CDKAL1: variants seen among roughly 807,000 people sequenced by gnomAD.
CDKAL1 encodes the protein CDKAL1 threonylcarbamoyladenosine tRNA methylthiotransferase.
In CDKAL1, 32 loss-of-function variants were observed where a neutral mutation model predicts 68.2. The ratio of observed to expected loss-of-function variants is 0.47; its 90% CI spans 0.35 to 0.63. CDKAL1 has a LOEUF of 0.63. CDKAL1 is among the 30% of genes least tolerant of loss of function. The pLI, the probability that CDKAL1 is intolerant of heterozygous loss-of-function variation, is 0.00. For synonymous variants in CDKAL1, 234 were observed against 244.3 expected, an observed-to-expected ratio of 0.96 and a Z score of 0.39; for missense variants, 606 against 696.7, an observed-to-expected ratio of 0.87 and a Z score of 1.47.
chr6:21,110,714 T>G (rs1268812593), intron 13 of CDKAL1, among the ~76,000 whole-genome samples: 1 of 152,184 alleles, frequency 6.6e-6, no homozygotes, highest in Non-Finnish European at 1.5e-5. Context: ...ATCCCAGCAC[T>G]CTGGGAGTCT....
At chr6:21,212,135 GC>G (rs1779176915) in intron 15 of CDKAL1, among the ~76,000 whole-genome samples, 1 of 152,142 alleles carries the variant, frequency 6.6e-6, no homozygotes. Context: ...ATGAAAGCAG[GC>G]CCCGCCTGAC....
chr6:21,107,192 C>T (rs1456134474), intron 12 of CDKAL1, among the ~76,000 whole-genome samples: 1 of 152,116 alleles, frequency 6.6e-6, no homozygotes, highest in East Asian at 1.9e-4. Context: ...TGTGATCCGC[C>T]CACTTCGGCC....
intron 8 of CDKAL1, among the ~76,000 whole-genome samples, chr6:20,815,544 T>C (rs1777008410): frequency 1.3e-5 from 2 of 152,098 alleles, no homozygotes; most frequent in Non-Finnish European, 2.9e-5. Flanking sequence ...TGGTTATCTG[T>C]TTTTTGCCCT....
At chr6:20,770,632 C>G (rs1379586047) in intron 7 of CDKAL1, among the ~76,000 whole-genome samples, 1 of 152,184 alleles carries the variant, frequency 6.6e-6, no homozygotes, top group East Asian at 1.9e-4. Flanking sequence ...CTAAGAATCT[C>G]AAGCCCACAT....
intron 4 of CDKAL1, among the ~76,000 whole-genome samples, chr6:20,557,058 T>A (rs199886343): frequency 0.1 from 12,800 of 124,108 alleles, 864 homozygotes; most frequent in East Asian, 0.26. Flanking sequence ...AAAAAATAAA[T>A]AAATAAATAA....
intron 13 of CDKAL1, among the ~76,000 whole-genome samples, chr6:21,118,458 A>G (rs764030465): frequency 1.1e-4 from 16 of 152,224 alleles, no homozygotes; most frequent in Non-Finnish European, 2.2e-4. Context: ...CCAACCTCCA[A>G]CACAGATTCA....
At chr6:20,903,880 G>C (rs1024687836) in intron 9 of CDKAL1, among the ~76,000 whole-genome samples, 28 of 152,192 alleles carry the variant, frequency 1.8e-4, no homozygotes, top group African/African-American at 6.8e-4. Context: ...CAAATGCACT[G>C]ACAGAACCTG....
chr6:20,570,833 CA>C (rs962196384), intron 4 of CDKAL1, among the ~76,000 whole-genome samples: 166 of 151,436 alleles, frequency 1.1e-3, no homozygotes, highest in African/African-American at 3.6e-3. Flanking sequence ...TTGATCATTA[CA>C]AAAAAAAGGG....
intron 8 of CDKAL1, among the ~76,000 whole-genome samples, chr6:20,809,115 C>A (rs1383105589): frequency 6.6e-6 from 1 of 152,148 alleles, no homozygotes; most frequent in Non-Finnish European, 1.5e-5. Flanking sequence ...GAAAGCATAA[C>A]AAAATCTGTG....
chr6:20,639,068 G>A (rs890506730), intron 4 of CDKAL1, among the ~76,000 whole-genome samples: 3 of 152,236 alleles, frequency 2.0e-5, no homozygotes, highest in Non-Finnish European at 2.9e-5. Context: ...TCTTGTACCT[G>A]ATTTGACTAT....
At chr6:20,572,577 T>A (rs1231363175) in intron 4 of CDKAL1, among the ~76,000 whole-genome samples, 2 of 152,128 alleles carry the variant, frequency 1.3e-5, no homozygotes, top group East Asian at 3.8e-4. Flanking sequence ...AAATGCTGAG[T>A]GCTTTCTTAT....
rs1032819320 is a variant in CDKAL1 at position 20,756,897 on chromosome 6, T to C, written c.469-1698T>C. ...CTTCCTTCCTTCCTTCCTTCCTTCC[T>C]TCCTTCCTTCCTTCCTTCCTTCCTT... On this transcript the variant is annotated intron_variant, in intron 6 of 15. Coordinates refer to ENST00000274695, the MANE Select transcript of CDKAL1 (RefSeq NM_017774.3). The C allele has an allele frequency of 8.1e-4, 83 of 102,766 alleles. 3 individuals are homozygous for C. The highest frequency in any genetic ancestry group is 1.5e-3 in the African/African-American group (43 of 28,280). The allele number at this position is 102,766 out of a possible 1,614,324, so 6.4% of individuals were successfully genotyped here. A position where few individuals can be genotyped will look rare whatever the true frequency, so the allele number is the denominator to read the frequency against.
intron 4 of CDKAL1, among the ~76,000 whole-genome samples, chr6:20,561,746 T>G (rs1341166725): frequency 6.6e-6 from 1 of 152,204 alleles, no homozygotes; most frequent in Non-Finnish European, 1.5e-5. Context: ...TAAAAACAAG[T>G]ATATTTCTTG....
chr6:20,905,931 T>C (rs1379902639), intron 9 of CDKAL1, among the ~76,000 whole-genome samples: 1 of 152,186 alleles, frequency 6.6e-6, no homozygotes, highest in East Asian at 1.9e-4. Flanking sequence ...CCACCAGACT[T>C]ACCCTGTAAG....
intron 5 of CDKAL1, among the ~76,000 whole-genome samples, chr6:20,729,775 A>G (rs750134391): frequency 5.3e-5 from 8 of 152,110 alleles, no homozygotes; most frequent in Non-Finnish European, 7.3e-5. Flanking sequence ...GGTGCTAACT[A>G]TTTTACTACC....
At chr6:20,848,087 C>G (rs1013191734) in intron 9 of CDKAL1, among the ~76,000 whole-genome samples, 12 of 152,134 alleles carry the variant, frequency 7.9e-5, no homozygotes, top group African/African-American at 2.9e-4. Flanking sequence ...AAAGTTCATA[C>G]TCCTATGCAA....
At chr6:20,758,669 G>A (rs767109304) in intron 7 of CDKAL1, 26 bp downstream of exon 7, 2 of 1,572,174 alleles carry the variant, frequency 1.3e-6, no homozygotes, top group Non-Finnish European at 1.7e-6. Flanking sequence ...GAGATAAACA[G>A]ATGTATATAT....
At chr6:20,754,252 G>C (rs1309499504) in intron 6 of CDKAL1, among the ~76,000 whole-genome samples, 1 of 152,150 alleles carries the variant, frequency 6.6e-6, no homozygotes, top group East Asian at 1.9e-4. Context: ...CAAAGTGCTG[G>C]GATTACAGGT....
intron 12 of CDKAL1, among the ~76,000 whole-genome samples, chr6:21,078,062 G>A (rs1276784263): frequency 6.6e-6 from 1 of 152,140 alleles, no homozygotes; most frequent in African/African-American, 2.4e-5. Context: ...TTCTCCCCTA[G>A]AGCCTCCTGA....
Sources: gnomAD v4.1 joint callset for allele counts (sites outside exome capture counted in the v4.1 genomes callset) on GRCh38, gnomAD v4.1.1 for gene constraint, MANE v1.5 for transcripts, NCBI Gene and HGNC (gene_info 2026-07-23, HGNC 2026-07-21) for gene names.